DHX29: variants seen among roughly 807,000 people sequenced by gnomAD.
DHX29 encodes the protein DExH-box helicase 29.
Under a neutral mutation model 167.9 loss-of-function variants are expected in DHX29, and 79 were observed. The observed-to-expected ratio is 0.47, with a 90% CI of 0.39 to 0.57. DHX29 has a LOEUF of 0.57. DHX29 is among the 20% of genes least tolerant of loss of function. The pLI is 0.00. For synonymous variants in DHX29, 530 were observed against 546.0 expected, an observed-to-expected ratio of 0.97 and a Z score of 0.41; for missense variants, 1,347 against 1,593.4, an observed-to-expected ratio of 0.85 and a Z score of 2.63.
Position 55,277,200 on chromosome 5 carries a change from A to G in DHX29, c.2192T>C (p.Ile731Thr). The G allele has an allele frequency of 6.8e-6, 11 of 1,612,044 alleles. No homozygotes were observed. Among genetic ancestry groups the G allele is most frequent in the Non-Finnish European group, 9.3e-6 (11 of 1,178,186 alleles). ...ILQKRSDLHL[I>T]LMSATVDSEK... ...GCTGTCCACAGTGGCACTCATTAGAATCAAGTGTAGATCAGAACGTTTCTG... is the reference window on the plus strand; with the variant it reads ...GCTGTCCACAGTGGCACTCATTAGAGTCAAGTGTAGATCAGAACGTTTCTG... Residue 731 changes from isoleucine to threonine, a missense_variant, in exon 13 of 27, where the codon ATT becomes ACT. Physicochemically the swap from Ile to Thr is moderately conservative, Grantham distance 89 (BLOSUM62 -1). This residue lies in a region of DHX29 where 882 missense variants were observed against 1,082.4 expected (regional missense o/e 0.81). Transcript: ENST00000251636.
chr5:55,283,393 A>C lies in DHX29; in HGVS notation c.1775T>G (p.Val592Gly). Residue 592 changes from valine to glycine, a missense_variant, in exon 11 of 27, where the codon GTT becomes GGT. Physicochemically the swap from Val to Gly is moderately radical, Grantham distance 109 (BLOSUM62 -3). Around this residue, in one of 3 missense-constraint regions of DHX29, gnomAD observed 882 missense variants for 1,082.4 expected, o/e 0.81. Coordinates refer to ENST00000251636, the MANE Select transcript of DHX29 (RefSeq NM_019030.4). ...ACCACTCCCTGTTTCACCTGCCACA[A>C]CCACTACCCGATGCCTTTTAAGAGT... is the stretch of plus-strand genomic sequence containing the variant. ...VETLKRHRVV[V>G]VAGETGSGKS... The C allele has an allele frequency of 6.2e-7, 1 of 1,614,202 alleles. No individual in the cohort carries two copies. Among genetic ancestry groups the C allele is most frequent in the Non-Finnish European group, 8.5e-7 (1 of 1,180,028 alleles).
At chr5:55,287,818 A>G (rs1419588706) in intron 8 of DHX29, among the ~76,000 whole-genome samples, 1 of 151,724 alleles carries the variant, frequency 6.6e-6, no homozygotes, top group Non-Finnish European at 1.5e-5. Flanking sequence ...GCGTGGTGGC[A>G]CACGCCTGTA....
At chr5:55,261,835 G>C (rs1432411605) in intron 24 of DHX29, among the ~76,000 whole-genome samples, 1 of 151,956 alleles carries the variant, frequency 6.6e-6, no homozygotes. Context: ...TCAGTTGCTG[G>C]TTTCTAAACC....
intron 1 of DHX29, among the ~76,000 whole-genome samples, chr5:55,301,345 T>G (rs1480673318): frequency 6.6e-6 from 1 of 152,132 alleles, no homozygotes; most frequent in Non-Finnish European, 1.5e-5. Flanking sequence ...AGTTTTCACT[T>G]CATGGAGCCC....
At chr5:55,271,492 G>T (rs1326195749) in intron 18 of DHX29, among the ~76,000 whole-genome samples, 1 of 152,228 alleles carries the variant, frequency 6.6e-6, no homozygotes, top group Non-Finnish European at 1.5e-5. Context: ...CATTAGCCGA[G>T]TGTGGTGGCA....
At chr5:55,265,670 T>TAA (rs11362570) in intron 23 of DHX29, among the ~76,000 whole-genome samples, 1,718 of 143,462 alleles carry the variant, frequency 0.012, 25 homozygotes, top group African/African-American at 0.038. Context: ...GAACTAGCTG[T>TAA]AAAAAAAAAA....
rs1554028868 is a variant in DHX29, at chr5:55,307,603, G to A, written c.-30C>T. The A allele has an allele frequency of 6.2e-7, 1 of 1,610,794 alleles. No individual in the cohort carries two copies. The highest frequency in any genetic ancestry group is 8.5e-7 in the Non-Finnish European group (1 of 1,179,704). ...CAGCTGTGGCAGAAGATCCTTCGCG[G>A]CCCAGGCCCCGACGGTACCACTGCA... On this transcript the variant is annotated 5_prime_UTR_variant, in exon 1 of 27. Coordinates refer to ENST00000251636, the MANE Select transcript of DHX29 (RefSeq NM_019030.4).
chr5:55,263,022 A>G (rs1353388537), intron 23 of DHX29, 90 bp from the exon 24 acceptor site: 2 of 961,276 alleles, frequency 2.1e-6, no homozygotes, highest in Non-Finnish European at 1.5e-6. Flanking sequence ...GCTTCCTATA[A>G]AAATTGACAG....
intron 1 of DHX29, among the ~76,000 whole-genome samples, chr5:55,303,282 T>TA (rs1318678702): frequency 6.6e-6 from 1 of 152,210 alleles, no homozygotes; most frequent in East Asian, 1.9e-4. Context: ...CGACAGTGTG[T>TA]ACATCTGCAG....
At chr5:55,283,126 C>T in intron 11 of DHX29, 77 bp downstream of exon 11, 2 of 1,473,904 alleles carry the variant, frequency 1.4e-6, no homozygotes, top group Middle Eastern at 1.8e-4. Flanking sequence ...ATATGGTACA[C>T]ATTCCATTTG....
At chr5:55,304,870 C>T (rs952577216) in intron 1 of DHX29, among the ~76,000 whole-genome samples, 1 of 152,172 alleles carries the variant, frequency 6.6e-6, no homozygotes, top group African/African-American at 2.4e-5. Context: ...AGGAACTACA[C>T]AGAGTTGAGC....
chr5:55,271,968 G>T (rs1418439424), intron 18 of DHX29, 119 bp downstream of exon 18: 2 of 565,422 alleles, frequency 3.5e-6, no homozygotes, highest in African/African-American at 2.0e-5. Context: ...CTTTTGCTTT[G>T]GACAGAACTA....
chr5:55,307,415 G>C lies in DHX29; in HGVS notation c.159C>G (p.Ala53=), dbSNP rs141465710. 85 of 1,611,324 alleles carry C rather than the reference G, an allele frequency of 5.3e-5. No homozygotes were observed. The African/African-American group carries it at 1.0e-3, about 20-fold the overall frequency. The part of the protein sequence containing the change: ...SRPATAAAAA[A]GSREPRVKQG... ...GCTTGACACGGGGCTCCCTGGAGCC[G>C]GCAGCGGCAGCGGCAGCGGTGGCCG... The change falls in exon 1 of 27, where the codon GCC becomes GCG. Residue 53 remains alanine, a synonymous_variant. Coordinates refer to ENST00000251636, the MANE Select transcript of DHX29 (RefSeq NM_019030.4).
Position 55,276,331 on chromosome 5 carries a change from G to A in DHX29, c.2362C>T (p.Leu788=), listed in dbSNP as rs377334575. The change falls in exon 14 of 27, where the codon CTG becomes TTG. Residue 788 remains leucine (L), a synonymous_variant. Coordinates refer to ENST00000251636, the MANE Select transcript of DHX29 (RefSeq NM_019030.4). ...EKDSEYCQKF[L]EEEEEVTINV... is the part of the protein sequence containing the mutation. Reference sequence around the variant, plus strand: ...ATGGTTACTTCTTCTTCCTCTTCCAGAAATTTCTGACAATATTCTGAGTCT... The same window carrying A: ...ATGGTTACTTCTTCTTCCTCTTCCAAAAATTTCTGACAATATTCTGAGTCT... The A allele has an allele frequency of 7.5e-6, 12 of 1,604,084 alleles. No homozygotes were observed. In the African/African-American group the frequency reaches 1.2e-4, roughly 16 times the overall value.
intron 25 of DHX29, 74 bp from the exon 26 acceptor site, chr5:55,260,018 A>G: frequency 1.3e-6 from 1 of 766,748 alleles, no homozygotes; most frequent in East Asian, 2.5e-5. Context: ...AATCAAGGCA[A>G]GCCTATATTA....
intron 21 of DHX29, 55 bp from the exon 22 acceptor site, chr5:55,267,877 A>G: frequency 1.5e-6 from 2 of 1,365,660 alleles, no homozygotes; most frequent in East Asian, 2.5e-5. Flanking sequence ...CAATACAGTG[A>G]AAGTTAACTT....
intron 7 of DHX29, 72 bp downstream of exon 7, chr5:55,290,146 T>C: frequency 7.3e-6 from 11 of 1,507,582 alleles, no homozygotes; most frequent in Non-Finnish European, 8.9e-6. Flanking sequence ...AAAGGAAGCA[T>C]CATCCATCCC....
intron 23 of DHX29, among the ~76,000 whole-genome samples, chr5:55,263,971 T>A (rs1388363341): frequency 6.6e-6 from 1 of 151,514 alleles, no homozygotes; most frequent in Non-Finnish European, 1.5e-5. Context: ...GGGAATTATG[T>A]GAGAGATACA....
intron 11 of DHX29, among the ~76,000 whole-genome samples, chr5:55,282,290 T>A (rs1747469798): frequency 6.6e-6 from 1 of 152,214 alleles, no homozygotes; most frequent in Non-Finnish European, 1.5e-5. Flanking sequence ...CTCATAAAAT[T>A]TGCCACCATT....
Sources: gnomAD v4.1 joint callset for allele counts (sites outside exome capture counted in the v4.1 genomes callset) on GRCh38, gnomAD v4.1.1 for gene constraint, gnomAD v4.1.1 regional missense constraint, MANE v1.5 for transcripts, NCBI Gene and HGNC (gene_info 2026-07-23, HGNC 2026-07-21) for gene names.